Variants in ZNF394 observed in about 807,000 individuals in gnomAD.
The protein encoded by ZNF394 is zinc finger protein 394.
Under a neutral mutation model 21.8 loss-of-function variants are expected in ZNF394, and 19 were observed. The ratio of observed to expected loss-of-function variants is 0.87; its 90% confidence interval spans 0.61 to 1.28. The LOEUF is 1.28. ZNF394 is among the 50% of genes most tolerant of loss of function. ZNF394 has a pLI of 0.00. For synonymous variants in ZNF394, 294 were observed against 273.3 expected (o/e 1.08, Z -0.75); for missense variants, 683 against 708.6 (o/e 0.96, Z 0.41).
exon 2 of ZNF394, chr7:99,486,733 TATG>T (rs1224850060): frequency 6.2e-7 from 1 of 1,614,250 alleles, no homozygotes; most frequent in Non-Finnish European, 8.5e-7. Context: ...GCAGGGCAGA[TATG>T]ATGAGGATGG....
chr7:99,494,975 C>T lies in ZNF394; in HGVS notation c.584-344G>A, dbSNP rs546935404. On this transcript the variant is annotated intron_variant, in intron 2 of 2. Transcript: ENST00000337673. ...GTCTCTATCTCTTGACCTCATGATC[C>T]GCTCGCCTCAGCCTCCCTATTTATT... is the stretch of plus-strand genomic sequence containing the variant. 1.8e-4 allele frequency among the ~76,000 whole-genome samples: 27 copies of T among 151,890 alleles called. No individual in the cohort carries two copies. In the South Asian group the frequency reaches 3.5e-3, roughly 20 times the overall value.
At chr7:99,489,672 A>C (rs1292912819), downstream of ZNF394, among the ~76,000 whole-genome samples, 3 of 152,148 alleles carry the variant, frequency 2.0e-5, no homozygotes, top group East Asian at 5.8e-4. Flanking sequence ...AAAAAGTGTC[A>C]ATTATGTTCT....
At position 99,493,377 on chromosome 7, in the gene ZNF394, C is replaced by T; in HGVS notation, c.*152G>A. ...GTTCAAGTGATTCTCCTACCTCAGC[C>T]TCCCGAATAGCTGGGCTTACAGGCA... On this transcript the variant is annotated 3_prime_UTR_variant, in exon 3 of 3. Coordinates refer to ENST00000337673, the MANE Select transcript of ZNF394 (RefSeq NM_032164.4). 9.9e-7 allele frequency: 1 copy of T among 1,009,476 alleles called. No individual in the cohort carries two copies. Among genetic ancestry groups the T allele is most frequent in the Non-Finnish European group, 1.4e-6 (1 of 722,868 alleles). 62.5% of individuals were successfully genotyped at this position (1,009,476 alleles called of 1,614,324 possible).
At chr7:99,486,708 G>A (rs548405757) in exon 2 of ZNF394, 49 of 1,614,170 alleles carry the variant, frequency 3.0e-5, no homozygotes, top group Middle Eastern at 1.6e-4. Flanking sequence ...ATCAGAATGC[G>A]CAAACAAGGT....
chr7:99,488,858 G>A (rs1344258260), downstream of ZNF394, among the ~76,000 whole-genome samples: 1 of 149,730 alleles, frequency 6.7e-6, no homozygotes, highest in East Asian at 2.0e-4. Flanking sequence ...CCTCAACCGG[G>A]AGGCAGAGGT....
rs771385512 is a variant in ZNF394 at position 99,499,722 on chromosome 7, C to T, written c.372G>A (p.Val124=). Residue 124 remains valine (V), a synonymous_variant, in exon 1 of 3, where the codon GTG becomes GTA. Coordinates refer to ENST00000337673, the MANE Select transcript of ZNF394 (RefSeq NM_032164.4). The stretch of plus-strand genomic sequence containing the variant: ...CCCCGCTCTCTGGGCAGTGCTCTCG[C>T]ACCCAGGCTTGAAGCTCCTCGGGCA... ...TILPEELQAW[V]REHCPESGEE... 1.9e-6 allele frequency: 3 copies of T among 1,613,832 alleles called. No individual in the cohort carries two copies. The highest frequency in any genetic ancestry group is 3.3e-5 in the Admixed American group (2 of 60,000).
At chr7:99,490,034 C>T (rs1800127616), downstream of ZNF394, among the ~76,000 whole-genome samples, 1 of 151,856 alleles carries the variant, frequency 6.6e-6, no homozygotes, top group South Asian at 2.1e-4. Flanking sequence ...TGCTCTCAGG[C>T]CAGGTGCACT....
rs756472895 is a variant in ZNF394, at chr7:99,486,900, G to A, written n.147C>T. 3.1e-6 allele frequency: 5 copies of A among 1,614,054 alleles called. No homozygotes were observed. The South Asian group carries it at 5.5e-5, about 18-fold the overall frequency. ...TTCACTTTTTAGAGAATCCTTTTGAGTGTAAGGTCTGTGGGCAAGCCTTCA... is the reference window on the plus strand; with the variant it reads ...TTCACTTTTTAGAGAATCCTTTTGAATGTAAGGTCTGTGGGCAAGCCTTCA... On this transcript the variant is annotated non_coding_transcript_exon_variant, in exon 2 of 2. Coordinates refer to the ZNF394 transcript ENST00000462024.
At chr7:99,489,762 G>A (rs1800121725), downstream of ZNF394, among the ~76,000 whole-genome samples, 1 of 152,178 alleles carries the variant, frequency 6.6e-6, no homozygotes, top group Non-Finnish European at 1.5e-5. Context: ...TGAGCTGAGT[G>A]TATTCTCCCT....
At chr7:99,495,841 C>T (rs1332330663) in intron 2 of ZNF394, among the ~76,000 whole-genome samples, 1 of 152,060 alleles carries the variant, frequency 6.6e-6, no homozygotes, top group Non-Finnish European at 1.5e-5. Context: ...AGGCTGGTCT[C>T]AAACTCCTGA....
Position 99,493,352 on chromosome 7 carries a change from G to A in ZNF394, c.*177C>T. On this transcript the variant is annotated 3_prime_UTR_variant, in exon 3 of 3. Coordinates refer to ENST00000337673, the MANE Select transcript of ZNF394 (RefSeq NM_032164.4). ...GCTCACTGCAACTTCCGCCTCCTGGGTTCAAGTGATTCTCCTACCTCAGCC... is the reference window on the plus strand; with the variant it reads ...GCTCACTGCAACTTCCGCCTCCTGGATTCAAGTGATTCTCCTACCTCAGCC... The A allele has an allele frequency of 9.4e-7, 1 of 1,066,458 alleles. No homozygotes were observed. The highest frequency in any genetic ancestry group is 1.3e-6 in the Non-Finnish European group (1 of 783,894). The allele number at this position is 1,066,458 out of a possible 1,614,324, so 66.1% of individuals were successfully genotyped here. A position where few individuals can be genotyped will look rare whatever the true frequency, so the allele number is the denominator to read the frequency against.
intron 1 of ZNF394, chr7:99,487,119 T>A (rs1301099602): frequency 6.2e-7 from 1 of 1,614,196 alleles, no homozygotes; most frequent in Non-Finnish European, 8.5e-7. Flanking sequence ...TTATTCGACA[T>A]CAGGTGATCC....
At chr7:99,492,635 A>G (rs908168896), downstream of ZNF394, among the ~76,000 whole-genome samples, 3 of 135,812 alleles carry the variant, frequency 2.2e-5, no homozygotes, top group African/African-American at 5.6e-5. Context: ...GCGAGACTCC[A>G]TCTCAAAAAA....
At chr7:99,499,020 A>G (rs1800433092) in intron 1 of ZNF394, among the ~76,000 whole-genome samples, 178 bp from the exon 2 acceptor site, 1 of 152,210 alleles carries the variant, frequency 6.6e-6, no homozygotes, top group Non-Finnish European at 1.5e-5. Flanking sequence ...GGTAGGTAGG[A>G]GCAAAATATT....
At chr7:99,488,957 C>G (rs370205566), downstream of ZNF394, among the ~76,000 whole-genome samples, 1 of 146,674 alleles carries the variant, frequency 6.8e-6, no homozygotes, top group African/African-American at 2.5e-5. Context: ...AAAAGTTGCC[C>G]ATAATCTAAA....
chr7:99,492,791 T>TAA (rs1173024023), downstream of ZNF394, among the ~76,000 whole-genome samples: 21 of 132,178 alleles, frequency 1.6e-4, no homozygotes, highest in Non-Finnish European at 2.0e-4. Flanking sequence ...CCCTATCTCT[T>TAA]AAAAAAAAAA....
downstream of ZNF394, among the ~76,000 whole-genome samples, chr7:99,488,294 T>C (rs1316211889): frequency 6.6e-6 from 1 of 151,818 alleles, no homozygotes; most frequent in Non-Finnish European, 1.5e-5. Context: ...CCCAGCACTT[T>C]GGGAGGCTGA....
downstream of ZNF394, among the ~76,000 whole-genome samples, chr7:99,491,484 G>A (rs1800158394): frequency 6.6e-6 from 1 of 152,080 alleles, no homozygotes; most frequent in African/African-American, 2.4e-5. Context: ...TTGGATTTCC[G>A]ATGGGTTCAG....
chr7:99,490,198 A>T (rs1584581425), downstream of ZNF394, among the ~76,000 whole-genome samples: 1 of 121,256 alleles, frequency 8.2e-6, no homozygotes, highest in East Asian at 2.6e-4. Flanking sequence ...TCTGTTTTCC[A>T]GGCTGGAGTG....
Sources: gnomAD v4.1 joint callset for allele counts (sites outside exome capture counted in the v4.1 genomes callset) on GRCh38, gnomAD v4.1.1 for gene constraint, MANE v1.5 for transcripts, NCBI Gene and HGNC (gene_info 2026-07-23, HGNC 2026-07-21) for gene names.